Variants in CRB1 observed in about 807,000 individuals in gnomAD.
The protein encoded by CRB1 is protein crumbs homolog 1.
In CRB1, 83 loss-of-function variants were observed where a neutral mutation model predicts 120.0. The ratio of observed to expected loss-of-function variants is 0.69; its 90% CI spans 0.58 to 0.83. The LOEUF is 0.83. CRB1 is among the 40% of genes least tolerant of loss of function. CRB1 has a pLI of 0.00. For synonymous variants in CRB1, 625 were observed against 612.5 expected (o/e 1.02, Z -0.30); for missense variants, 1,699 against 1,687.6 (o/e 1.01, Z -0.12).
the CRB1 span, among the ~76,000 whole-genome samples, chr1:197,238,251 A>G: frequency 1.3e-5 from 2 of 152,170 alleles, no homozygotes; most frequent in African/African-American, 4.8e-5. Flanking sequence ...TTCCAGTTCC[A>G]TAAGAATGTG....
intron 5 of CRB1, among the ~76,000 whole-genome samples, chr1:197,364,940 AT>A (rs1234583623): frequency 2.6e-5 from 4 of 152,208 alleles, no homozygotes; most frequent in African/African-American, 9.6e-5. Flanking sequence ...TTGTGATGAC[AT>A]GATTTTGAAT....
At chr1:197,442,651 T>A in intron 11 of CRB1, 1 of 806,900 alleles carries the variant, frequency 1.2e-6, no homozygotes, top group South Asian at 2.1e-5. Context: ...AAATATCTCC[T>A]TATTGTGTGT....
chr1:197,255,251 A>T, the CRB1 span, among the ~76,000 whole-genome samples: 1,190 of 152,184 alleles, frequency 7.8e-3, 12 homozygotes, highest in African/African-American at 0.025. Flanking sequence ...CTTTGATGGA[A>T]AAATAGGAAA....
chr1:197,317,982 A>T (rs528507535), intron 1 of CRB1, among the ~76,000 whole-genome samples: 1 of 152,288 alleles, frequency 6.6e-6, no homozygotes, highest in South Asian at 2.1e-4. Context: ...GAGCAACAAA[A>T]ACAAATATAG....
At chr1:197,442,359 C>G (rs766198341) in intron 11 of CRB1, 67 bp downstream of exon 11, 1 of 1,611,856 alleles carries the variant, frequency 6.2e-7, no homozygotes, top group South Asian at 1.1e-5. Flanking sequence ...TCTTTCTTAC[C>G]TCATTTTGCG....
intron 1 of CRB1, among the ~76,000 whole-genome samples, chr1:197,288,215 G>A (rs1197047074): frequency 1.3e-5 from 2 of 151,740 alleles, no homozygotes; most frequent in African/African-American, 4.8e-5. Flanking sequence ...CCAAGACCTG[G>A]GAAAGAATAA....
intron 5 of CRB1, among the ~76,000 whole-genome samples, chr1:197,410,496 T>C (rs1347839046): frequency 6.6e-6 from 1 of 152,208 alleles, no homozygotes; most frequent in Non-Finnish European, 1.5e-5. Context: ...TAGTGAATTA[T>C]GGCAAGACAA....
chr1:197,227,129 C>T, the CRB1 span, among the ~76,000 whole-genome samples: 1 of 152,156 alleles, frequency 6.6e-6, no homozygotes, highest in Admixed American at 6.5e-5. Context: ...TCATGCCTTC[C>T]CAACAGTCCC....
Position 197,328,793 on chromosome 1 carries a change from G to A in CRB1, c.442G>A (p.Asp148Asn). 6.2e-7 allele frequency: 1 copy of A among 1,613,792 alleles called. No individual in the cohort carries two copies. Among genetic ancestry groups the A allele is most frequent in the East Asian group, 2.2e-5 (1 of 44,874 alleles). ...AGYAGRFCEI[D>N]HDECASSPCQ... is the part of the protein sequence containing the mutation. ...ATATGCTGGAAGATTCTGTGAGATAGATCACGATGAGTGTGCTTCCAGCCC... is the reference window on the plus strand; with the variant it reads ...ATATGCTGGAAGATTCTGTGAGATAAATCACGATGAGTGTGCTTCCAGCCC... Residue 148 changes from aspartate (D) to asparagine (N), a missense_variant, in exon 2 of 12, where the codon GAT becomes AAT. Coordinates refer to ENST00000367400, the MANE Select transcript of CRB1 (RefSeq NM_201253.3).
At chr1:197,281,973 T>C (rs961090448) in intron 1 of CRB1, among the ~76,000 whole-genome samples, 1 of 151,524 alleles carries the variant, frequency 6.6e-6, no homozygotes, top group Non-Finnish European at 1.5e-5. Context: ...ATAAAAAAAA[T>C]TATAGACTAT....
intron 1 of CRB1, among the ~76,000 whole-genome samples, chr1:197,319,909 C>A (rs1658092987): frequency 1.3e-5 from 2 of 152,132 alleles, no homozygotes; most frequent in Admixed American, 1.3e-4. Flanking sequence ...TAAACAGATT[C>A]TTTAAGGGCC....
intron 5 of CRB1, among the ~76,000 whole-genome samples, chr1:197,383,007 C>CT: frequency 6.6e-6 from 1 of 152,270 alleles, no homozygotes; most frequent in South Asian, 2.1e-4. Context: ...AAATTGGTAA[C>CT]TACCCTCAAA....
the CRB1 span, among the ~76,000 whole-genome samples, chr1:197,232,157 G>A: frequency 6.6e-6 from 1 of 152,172 alleles, no homozygotes; most frequent in Non-Finnish European, 1.5e-5. Flanking sequence ...GCCAGAAAAT[G>A]CAAGTAAATG....
intron 5 of CRB1, among the ~76,000 whole-genome samples, chr1:197,391,085 C>T (rs1209246774): frequency 2.0e-5 from 3 of 152,062 alleles, no homozygotes; most frequent in Non-Finnish European, 4.4e-5. Context: ...GTAATTAGAA[C>T]AAGCAGGAGA....
chr1:197,414,429 A>G (rs568663808), intron 5 of CRB1, among the ~76,000 whole-genome samples: 1 of 152,260 alleles, frequency 6.6e-6, no homozygotes, highest in African/African-American at 2.4e-5. Context: ...TTATCCATTA[A>G]TATGATTTAT....
At chr1:197,221,835 A>G in the CRB1 span, among the ~76,000 whole-genome samples, 47 of 152,088 alleles carry the variant, frequency 3.1e-4, no homozygotes, top group Non-Finnish European at 6.2e-4. Flanking sequence ...TGAAAGTACT[A>G]TTTTCCTTGC....
chr1:197,363,276 A>G lies in CRB1; in HGVS notation c.1171+6263A>G, dbSNP rs148124778. ...CTCCATTGTGTTTACTTATGTGTCT[A>G]TTCTCCATTGTTTGTCCTCCCCACC... On this transcript the variant is annotated intron_variant, in intron 5 of 11. Transcript: ENST00000367400. 9.9e-3 allele frequency among the ~76,000 whole-genome samples: 1,497 copies of G among 151,838 alleles called. 81 individuals are homozygous for G. The highest frequency in any genetic ancestry group is 0.09 in the Admixed American group (1,379 of 15,272).
At chr1:197,347,631 C>G (rs3818817) in intron 4 of CRB1, 152 bp downstream of exon 4, 6 of 830,710 alleles carry the variant, frequency 7.2e-6, no homozygotes, top group Non-Finnish European at 1.1e-5. Context: ...TCAGTGCTCA[C>G]ACATATTTAC....
intron 5 of CRB1, among the ~76,000 whole-genome samples, chr1:197,371,375 C>T (rs1488215014): frequency 6.6e-6 from 1 of 152,018 alleles, no homozygotes; most frequent in Non-Finnish European, 1.5e-5. Context: ...TCTCATGGGG[C>T]CTTTAGCACT....
Sources: allele counts gnomAD v4.1 joint callset (sites outside exome capture counted in the v4.1 genomes callset), GRCh38; gene constraint gnomAD v4.1.1; transcripts MANE v1.5; gene names NCBI Gene and HGNC (gene_info 2026-07-23, HGNC 2026-07-21).